The following NALF1 variants were observed in gnomAD, a reference collection of about 807,000 sequenced individuals.
The protein encoded by NALF1 is NALCN channel auxiliary factor 1.
In NALF1, 3 loss-of-function variants were observed where a neutral mutation model predicts 48.4. That is an observed-to-expected ratio of 0.06 (90% CI 0.03 to 0.16). The LOEUF is 0.16. Ranked by LOEUF, NALF1 falls within the 10% of genes least tolerant of loss-of-function variation. The pLI, the probability that NALF1 is intolerant of heterozygous loss-of-function variation, is 1.00. For missense variants in NALF1, 526 were observed against 571.5 expected (o/e 0.92, Z 0.81); for synonymous variants, 262 against 245.7 (o/e 1.07, Z -0.62).
intron 1 of NALF1, among the ~76,000 whole-genome samples, chr13:107,520,014 T>C (rs1876184517): frequency 6.6e-6 from 1 of 152,200 alleles, no homozygotes; most frequent in Non-Finnish European, 1.5e-5. Flanking sequence ...AAATGAATGC[T>C]GTAAGGATTA....
chr13:107,351,717 C>T (rs1219142705), intron 1 of NALF1, among the ~76,000 whole-genome samples: 1 of 152,206 alleles, frequency 6.6e-6, no homozygotes, highest in East Asian at 1.9e-4. Flanking sequence ...ATCCTTATTT[C>T]TTATTCCCGA....
In NALF1 at chr13:107,164,429, A is replaced by G. The variant is rs1288556743; in HGVS notation, c.*6068T>C. ...ATTAATTTTCATAATAAATGTTCCA[A>G]TTTAAACATTTTCATGTTTAAAATT... is the stretch of plus-strand genomic sequence containing the variant. On this transcript the variant is annotated 3_prime_UTR_variant, in exon 3 of 3. Coordinates refer to ENST00000375915, the MANE Select transcript of NALF1 (RefSeq NM_001080396.3). The G allele has an allele frequency of 1.3e-5, 2 of 152,056 alleles. No individual in the cohort carries two copies. Among genetic ancestry groups the G allele is most frequent in the African/African-American group, 4.8e-5 (2 of 41,426 alleles). 9.4% of individuals were successfully genotyped at this position (152,056 alleles called of 1,614,324 possible).
chr13:107,669,242 T>C (rs1020708641), intron 1 of NALF1, among the ~76,000 whole-genome samples: 8 of 152,152 alleles, frequency 5.3e-5, no homozygotes, highest in Admixed American at 3.3e-4. Flanking sequence ...GCCATAGCTT[T>C]ATTTAGATAT....
At chr13:107,171,822 A>G (rs1472032144) in intron 2 of NALF1, among the ~76,000 whole-genome samples, 1 of 152,174 alleles carries the variant, frequency 6.6e-6, no homozygotes, top group Admixed American at 6.5e-5. Context: ...ATTTTGTCAT[A>G]TTAATGTCAT....
chr13:107,626,272 C>A (rs1879671784), intron 1 of NALF1, among the ~76,000 whole-genome samples: 2 of 151,846 alleles, frequency 1.3e-5, no homozygotes, highest in African/African-American at 4.8e-5. Context: ...GAAAGATCTA[C>A]AATGAGATAC....
At chr13:107,404,835 G>A (rs749509824) in intron 1 of NALF1, among the ~76,000 whole-genome samples, 3 of 152,064 alleles carry the variant, frequency 2.0e-5, no homozygotes, top group Non-Finnish European at 2.9e-5. Flanking sequence ...TACAATGAGA[G>A]TATAATTTAG....
At chr13:107,517,389 G>T (rs1251459768) in intron 1 of NALF1, among the ~76,000 whole-genome samples, 1 of 152,138 alleles carries the variant, frequency 6.6e-6, no homozygotes, top group East Asian at 1.9e-4. Context: ...CCAGCACTTT[G>T]GGAGGCTGAG....
chr13:107,833,923 A>G (rs1030036327), intron 1 of NALF1, among the ~76,000 whole-genome samples: 37 of 152,270 alleles, frequency 2.4e-4, no homozygotes, highest in African/African-American at 8.9e-4. Context: ...ATAAATTTGT[A>G]AAACTATGGA....
At chr13:107,533,998 A>C (rs1158956881) in intron 1 of NALF1, among the ~76,000 whole-genome samples, 1 of 152,084 alleles carries the variant, frequency 6.6e-6, no homozygotes, top group Non-Finnish European at 1.5e-5. Context: ...AAAGAGGAAA[A>C]TTACCTGTAA....
At chr13:107,478,496 A>G (rs1161542463) in intron 1 of NALF1, among the ~76,000 whole-genome samples, 1 of 152,184 alleles carries the variant, frequency 6.6e-6, no homozygotes, top group Non-Finnish European at 1.5e-5. Context: ...TTTAAATACC[A>G]GAGGCTGTTC....
At chr13:107,324,636 T>C (rs897712120) in intron 1 of NALF1, among the ~76,000 whole-genome samples, 5 of 152,192 alleles carry the variant, frequency 3.3e-5, no homozygotes, top group African/African-American at 9.6e-5. Flanking sequence ...TCACCATGCA[T>C]TGACTCATAG....
intron 1 of NALF1, among the ~76,000 whole-genome samples, chr13:107,733,541 TA>T (rs1876374637): frequency 1.3e-5 from 2 of 152,080 alleles, no homozygotes; most frequent in African/African-American, 4.8e-5. Flanking sequence ...AAAACAAAAT[TA>T]TACAAATAGT....
intron 1 of NALF1, among the ~76,000 whole-genome samples, chr13:107,281,269 A>C (rs1404112802): frequency 6.6e-6 from 1 of 152,238 alleles, no homozygotes; most frequent in Non-Finnish European, 1.5e-5. Flanking sequence ...TGACGATGAT[A>C]AGTCCCATAT....
intron 1 of NALF1, among the ~76,000 whole-genome samples, chr13:107,262,700 T>G (rs963597130): frequency 6.6e-6 from 1 of 151,798 alleles, no homozygotes; most frequent in Non-Finnish European, 1.5e-5. Context: ...AGATGCTCCA[T>G]TTTTTCCCCA....
chr13:107,825,153 T>C (rs942674268), intron 1 of NALF1, among the ~76,000 whole-genome samples: 1 of 152,228 alleles, frequency 6.6e-6, no homozygotes, highest in African/African-American at 2.4e-5. Flanking sequence ...AAATTTGGAA[T>C]GCGTTATAGT....
chr13:107,763,331 A>AT (rs1231800845), intron 1 of NALF1, among the ~76,000 whole-genome samples: 1 of 152,088 alleles, frequency 6.6e-6, no homozygotes, highest in Non-Finnish European at 1.5e-5. Flanking sequence ...ACTAGATGCT[A>AT]TTCTCCATAT....
At chr13:107,441,909 C>T (rs902981717) in intron 1 of NALF1, among the ~76,000 whole-genome samples, 11 of 152,084 alleles carry the variant, frequency 7.2e-5, no homozygotes, top group African/African-American at 2.7e-4. Flanking sequence ...TGAATAAAAC[C>T]ACATGAGGAG....
At chr13:107,619,418 A>G (rs1879466486) in intron 1 of NALF1, among the ~76,000 whole-genome samples, 1 of 152,196 alleles carries the variant, frequency 6.6e-6, no homozygotes, top group South Asian at 2.1e-4. Flanking sequence ...AGATCCCATC[A>G]TGAAGTATCT....
intron 1 of NALF1, among the ~76,000 whole-genome samples, chr13:107,785,530 A>G (rs755129586): frequency 2.0e-5 from 3 of 152,160 alleles, no homozygotes; most frequent in Non-Finnish European, 4.4e-5. Context: ...GATACAATGG[A>G]CTTTGGGGAC....
Sources: allele counts gnomAD v4.1 joint callset (sites outside exome capture counted in the v4.1 genomes callset), GRCh38; gene constraint gnomAD v4.1.1; transcripts MANE v1.5; gene names NCBI Gene and HGNC (gene_info 2026-07-23, HGNC 2026-07-21).